The following ZNF207 variants were observed in gnomAD, a reference collection of about 807,000 sequenced individuals.
The protein encoded by ZNF207 is BUB3-interacting and GLEBS motif-containing protein ZNF207.
A neutral mutation model predicts 60.2 loss-of-function variants in ZNF207; 24 were observed. The observed-to-expected ratio is 0.40, with a 90% CI of 0.29 to 0.56. ZNF207 has a LOEUF of 0.56. Ranked by LOEUF, ZNF207 falls within the 20% of genes least tolerant of loss-of-function variation. The pLI, the probability that ZNF207 is intolerant of heterozygous loss-of-function variation, is 0.49. For missense variants in ZNF207, 452 were observed against 636.6 expected, an observed-to-expected ratio of 0.71 and a Z score of 3.12; for synonymous variants, 236 against 194.7, an observed-to-expected ratio of 1.21 and a Z score of -1.77.
intron 10 of ZNF207, chr17:32,368,285 A>C: frequency 2.3e-6 from 1 of 440,432 alleles, no homozygotes; most frequent in Non-Finnish European, 4.0e-6. Flanking sequence ...TCTCTTAAAA[A>C]TCATTTTAGT....
intron 6 of ZNF207, 86 bp from the exon 7 acceptor site, chr17:32,362,828 T>C (rs1904959761): frequency 2.7e-6 from 3 of 1,111,452 alleles, no homozygotes; most frequent in Non-Finnish European, 4.0e-6. Context: ...TTCTATCTAG[T>C]GTTGTTTCAG....
chr17:32,373,364 GTT>G lies in ZNF207; in HGVS notation c.*3609_*3610del. On this transcript the variant is annotated 3_prime_UTR_variant, in exon 12 of 12. Coordinates refer to ENST00000394670, the MANE Select transcript of ZNF207 (RefSeq NM_001098507.2). ...ATGTCTTTTAAATTAATTGGGAACT[GTT>G]TTTCTAAAATTAAAATTTTCTTCTT... 3.0e-6 allele frequency: 2 copies of G among 666,020 alleles called. No individual in the cohort carries two copies. The highest frequency in any genetic ancestry group is 3.3e-5 in the South Asian group (2 of 60,740). 41.3% of individuals were successfully genotyped at this position (666,020 alleles called of 1,614,324 possible).
At chr17:32,353,906 A>T (rs1471439147) in intron 2 of ZNF207, among the ~76,000 whole-genome samples, 1 of 151,880 alleles carries the variant, frequency 6.6e-6, no homozygotes, top group Non-Finnish European at 1.5e-5. Flanking sequence ...ACATGTGGCT[A>T]TTTAAAATGA....
At chr17:32,362,153 TG>T in intron 6 of ZNF207, among the ~76,000 whole-genome samples, 1 of 151,386 alleles carries the variant, frequency 6.6e-6, no homozygotes, top group South Asian at 2.1e-4. Context: ...TGTGTGTGTG[TG>T]TGTATATGTA....
At chr17:32,361,385 G>A in intron 5 of ZNF207, 83 bp from the exon 6 acceptor site, 1 of 1,128,020 alleles carries the variant, frequency 8.9e-7, no homozygotes. Context: ...AAATATTGTT[G>A]GATGTGAGAG....
chr17:32,357,725 TC>T (rs753770472), intron 2 of ZNF207, among the ~76,000 whole-genome samples: 86 of 152,244 alleles, frequency 5.6e-4, no homozygotes, highest in Admixed American at 1.6e-3. Context: ...AACCTCTGCC[TC>T]CCAGGTTCAA....
chr17:32,369,429 A>G lies in ZNF207; in HGVS notation c.1299A>G (p.Gly433=), dbSNP rs374255455. Residue 433 remains glycine, a synonymous_variant, in exon 11 of 12, where the codon GGA becomes GGG. Coordinates refer to ENST00000394670, the MANE Select transcript of ZNF207 (RefSeq NM_001098507.2). The stretch of plus-strand genomic sequence containing the variant: ...AGCCAGGCATCCCACAGCAACAAGG[A>G]ATGAGACCCCCAATGCCACCTCATG... The part of the protein sequence containing the change: ...PPQPGIPQQQ[G]MRPPMPPHGQ... The G allele has an allele frequency of 6.2e-7, 1 of 1,614,172 alleles. No individual in the cohort carries two copies.
intron 6 of ZNF207, 148 bp from the exon 7 acceptor site, chr17:32,362,766 G>A (rs1904956884): frequency 3.4e-6 from 2 of 581,564 alleles, no homozygotes; most frequent in Admixed American, 6.5e-5. Context: ...ACAGTGTGTT[G>A]TGTGTTCTTT....
chr17:32,358,711 T>C (rs893950806), intron 3 of ZNF207, 70 bp downstream of exon 3: 107 of 1,182,760 alleles, frequency 9.0e-5, no homozygotes, highest in Admixed American at 2.0e-4. Flanking sequence ...AGACAGAGGC[T>C]TACTCTGTCC....
At chr17:32,362,484 A>C (rs1378151361) in intron 6 of ZNF207, among the ~76,000 whole-genome samples, 1 of 152,202 alleles carries the variant, frequency 6.6e-6, no homozygotes, top group South Asian at 2.1e-4. Context: ...CTCATTTCAC[A>C]GGGTACATTC....
rs1905855618 is a variant in ZNF207 at position 32,380,899 on chromosome 17, G to A, written c.*11140G>A. On this transcript the variant is annotated 3_prime_UTR_variant, in exon 12 of 12. Transcript: ENST00000394670. ...TTGAACCCAGGGGGAGGAGGTTGCA[G>A]TGAGCCGAGATGGCGCCGTTGCACT... The A allele has an allele frequency of 6.6e-6, 1 of 152,138 alleles. No homozygotes were observed. The highest frequency in any genetic ancestry group is 2.4e-5 in the African/African-American group (1 of 41,408). 9.4% of individuals were successfully genotyped at this position (152,138 alleles called of 1,614,324 possible).
rs544879626 is a variant in ZNF207 at position 32,366,888 on chromosome 17, A to G, written c.921+131A>G. ...TTTTTTAAAGCAAAATTAATGCTATATAAGTCAAATGGTATTTAAAAATTT... is the reference window on the plus strand; with the variant it reads ...TTTTTTAAAGCAAAATTAATGCTATGTAAGTCAAATGGTATTTAAAAATTT... On this transcript the variant is annotated intron_variant, in intron 9 of 11. Transcript: ENST00000394670. The G allele has an allele frequency of 1.8e-5, 13 of 733,974 alleles. No homozygotes were observed. The African/African-American group carries it at 1.8e-4, about 10-fold the overall frequency. The allele number at this position is 733,974 out of a possible 1,614,324, so 45.5% of individuals were successfully genotyped here. A position where few individuals can be genotyped will look rare whatever the true frequency, so the allele number is the denominator to read the frequency against.
Position 32,358,651 on chromosome 17 carries a change from G to A in ZNF207, c.307+10G>A. On this transcript the variant is annotated intron_variant, in intron 3 of 11. Transcript: ENST00000394670. ...GAACAGAAAACACAAGGTAAATATT[G>A]GGATAAGTTTTATTTTATTTATTTA... 6.9e-7 allele frequency: 1 copy of A among 1,448,674 alleles called. No homozygotes were observed. The allele number at this position is 1,448,674 out of a possible 1,614,324, so 89.7% of individuals were successfully genotyped here. A position where few individuals can be genotyped will look rare whatever the true frequency, so the allele number is the denominator to read the frequency against.
At chr17:32,356,101 A>G (rs1465328135) in intron 2 of ZNF207, among the ~76,000 whole-genome samples, 1 of 152,186 alleles carries the variant, frequency 6.6e-6, no homozygotes, top group Non-Finnish European at 1.5e-5. Context: ...CAGTTAAATC[A>G]TACCAATTTT....
rs1905832559 is a variant in ZNF207 at position 32,380,311 on chromosome 17, G to A, written c.*10552G>A. 1 of 152,518 alleles carries A rather than the reference G, an allele frequency of 6.6e-6. No homozygotes were observed. The highest frequency in any genetic ancestry group is 1.5e-5 in the Non-Finnish European group (1 of 68,036). The allele number at this position is 152,518 out of a possible 1,614,324, so 9.4% of individuals were successfully genotyped here. ...TATTGCATCTCTTTTGCGACTTCAT[G>A]TAGATGTGATTAACATTTTTTACAA... On this transcript the variant is annotated 3_prime_UTR_variant, in exon 12 of 12. Coordinates refer to ENST00000394670, the MANE Select transcript of ZNF207 (RefSeq NM_001098507.2).
At chr17:32,355,227 T>C (rs1389396913) in intron 2 of ZNF207, among the ~76,000 whole-genome samples, 1 of 152,114 alleles carries the variant, frequency 6.6e-6, no homozygotes, top group African/African-American at 2.4e-5. Flanking sequence ...AGACCCTGTC[T>C]CTACAAAAAA....
At chr17:32,354,740 A>T (rs969083707) in intron 2 of ZNF207, among the ~76,000 whole-genome samples, 5 of 151,498 alleles carry the variant, frequency 3.3e-5, no homozygotes, top group Non-Finnish European at 7.4e-5. Context: ...CAGCCTCTCG[A>T]GTAGCTGGGA....
rs887670169 is a variant in ZNF207 at position 32,373,335 on chromosome 17, A to T, written c.*3576A>T. On this transcript the variant is annotated 3_prime_UTR_variant, in exon 12 of 12. Coordinates refer to ENST00000394670, the MANE Select transcript of ZNF207 (RefSeq NM_001098507.2). ...GGGATTTTTAAAAAAAAAAATTTTAATGCATGTCTTTTAAATTAATTGGGA... is the reference window on the plus strand; with the variant it reads ...GGGATTTTTAAAAAAAAAAATTTTATTGCATGTCTTTTAAATTAATTGGGA... 3.1e-6 allele frequency: 2 copies of T among 645,012 alleles called. No homozygotes were observed. The highest frequency in any genetic ancestry group is 2.7e-5 in the Admixed American group (1 of 37,412). 40.0% of individuals were successfully genotyped at this position (645,012 alleles called of 1,614,324 possible). A position where few individuals can be genotyped will look rare whatever the true frequency, so the allele number is the denominator to read the frequency against.
chr17:32,372,890 T>G lies in ZNF207; in HGVS notation c.*3131T>G, dbSNP rs1905533389. The stretch of plus-strand genomic sequence containing the variant: ...TGATAATTCAGGCAGGCATTGTGAT[T>G]GTCATAATTAAGGAAGCTGTAAGGT... On this transcript the variant is annotated 3_prime_UTR_variant, in exon 12 of 12. Transcript: ENST00000394670. The G allele has an allele frequency of 6.6e-6, 1 of 152,206 alleles. No individual in the cohort carries two copies. The highest frequency in any genetic ancestry group is 1.5e-5 in the Non-Finnish European group (1 of 68,040). 9.4% of individuals were successfully genotyped at this position (152,206 alleles called of 1,614,324 possible). A position where few individuals can be genotyped will look rare whatever the true frequency, so the allele number is the denominator to read the frequency against.
Sources: allele counts gnomAD v4.1 joint callset (sites outside exome capture counted in the v4.1 genomes callset), GRCh38; gene constraint gnomAD v4.1.1; transcripts MANE v1.5; gene names NCBI Gene and HGNC (gene_info 2026-07-23, HGNC 2026-07-21).